The following CDH18 variants were observed in gnomAD, a reference collection of about 807,000 sequenced individuals.
CDH18 encodes cadherin 18, also known as cadherin-18.
A neutral mutation model predicts 67.9 loss-of-function variants in CDH18; 31 were observed. The ratio of observed to expected loss-of-function variants is 0.46; its 90% CI spans 0.34 to 0.62. The LOEUF is 0.62. Ranked by LOEUF, CDH18 falls within the 20% of genes least tolerant of loss-of-function variation. CDH18 has a pLI of 0.01. For synonymous variants in CDH18, 362 were observed against 347.2 expected (o/e 1.04, Z -0.48); for missense variants, 890 against 975.5 (o/e 0.91, Z 1.17).
chr5:20,120,078 G>C (rs1748231527), intron 2 of CDH18, among the ~76,000 whole-genome samples: 1 of 152,088 alleles, frequency 6.6e-6, no homozygotes, highest in Non-Finnish European at 1.5e-5. Context: ...AGGTAGCAAA[G>C]ACTTCCTACT....
chr5:20,313,854 T>A (rs1032406000), intron 1 of CDH18, among the ~76,000 whole-genome samples: 5 of 152,056 alleles, frequency 3.3e-5, no homozygotes, highest in Non-Finnish European at 7.4e-5. Context: ...CACCTACATG[T>A]AATTATCTTT....
rs529243695 is a variant in CDH18, at chr5:20,194,452, C to T, written c.-518+60992G>A. The stretch of plus-strand genomic sequence containing the variant: ...TAAATCTACAAAAAAGACCTCACAA[C>T]ATTCATGTTTATATATGCTAATCAG... On this transcript the variant is annotated intron_variant, in intron 2 of 14. Coordinates refer to the CDH18 transcript ENST00000507958. Among the ~76,000 whole-genome samples the T allele has an allele frequency of 2.0e-5, 3 of 152,128 alleles. No homozygotes were observed. The Middle Eastern group carries it at 0.01, about 517-fold the overall frequency.
intron 2 of CDH18, among the ~76,000 whole-genome samples, chr5:20,250,913 T>C (rs1054443316): frequency 5.3e-5 from 8 of 152,054 alleles, no homozygotes; most frequent in African/African-American, 1.9e-4. Context: ...GCCAGACAAA[T>C]GCATTTAGAT....
intron 10 of CDH18, among the ~76,000 whole-genome samples, chr5:19,514,976 T>G (rs1258463609): frequency 3.9e-5 from 6 of 152,216 alleles, no homozygotes; most frequent in African/African-American, 1.4e-4. Context: ...TTTTATGGTT[T>G]TAGGTCTAAC....
chr5:19,958,815 T>C (rs991639460), intron 2 of CDH18, among the ~76,000 whole-genome samples: 3 of 152,070 alleles, frequency 2.0e-5, no homozygotes, highest in Admixed American at 6.6e-5. Flanking sequence ...CATCGCATTT[T>C]ATGGTTCTAT....
chr5:20,362,722 T>G (rs554856244), intron 1 of CDH18, among the ~76,000 whole-genome samples: 2 of 152,298 alleles, frequency 1.3e-5, no homozygotes, highest in South Asian at 4.1e-4. Flanking sequence ...TAAAGAATGT[T>G]TCTCCCTGCT....
chr5:20,542,112 A>C (rs1757081643), intron 1 of CDH18, among the ~76,000 whole-genome samples: 1 of 152,024 alleles, frequency 6.6e-6, no homozygotes, highest in Non-Finnish European at 1.5e-5. Flanking sequence ...CGCCTAGCTA[A>C]TTTTTGTATT....
In CDH18 at chr5:19,520,698, C is replaced by A; in HGVS notation, c.1471G>T (p.Glu491Ter). ...VNDNPPELAR[E>*]YDIIVCENSK... Reference sequence around the variant, plus strand: ...TTTTCACATACAATAATATCATATTCCCTGGCAAGTTCGGGTGGATTGTCA... The same window carrying A: ...TTTTCACATACAATAATATCATATTACCTGGCAAGTTCGGGTGGATTGTCA... The change falls in exon 10 of 13, where the codon GAA (glutamate) becomes TAA (stop). Residue 491 changes from glutamate (E) to a stop codon, truncating the protein, a stop_gained. Transcript: ENST00000382275. LOFTEE classifies it high-confidence loss of function. The A allele has an allele frequency of 1.2e-6, 2 of 1,613,278 alleles. No homozygotes were observed. The highest frequency in any genetic ancestry group is 1.1e-5 in the South Asian group (1 of 90,992).
chr5:19,774,802 C>A (rs1215690942), intron 3 of CDH18, among the ~76,000 whole-genome samples: 2 of 57,534 alleles, frequency 3.5e-5, no homozygotes, highest in Non-Finnish European at 6.8e-5. Context: ...GAGCAAGACT[C>A]TGTCTCAAAA....
intron 1 of CDH18, among the ~76,000 whole-genome samples, chr5:20,510,152 AT>A (rs561227173): frequency 6.8e-4 from 104 of 151,946 alleles, no homozygotes; most frequent in African/African-American, 2.4e-3. Flanking sequence ...TGATGTTGAA[AT>A]TTTTTTTCAT....
intron 8 of CDH18, among the ~76,000 whole-genome samples, chr5:19,548,678 GA>G: frequency 6.6e-6 from 1 of 151,418 alleles, no homozygotes; most frequent in African/African-American, 2.4e-5. Flanking sequence ...GAGTAATAGA[GA>G]ATTTGTCCAA....
At chr5:19,966,854 A>G (rs957094008) in intron 2 of CDH18, among the ~76,000 whole-genome samples, 1 of 152,076 alleles carries the variant, frequency 6.6e-6, no homozygotes. Flanking sequence ...TTGAGAGTTT[A>G]TTTTAAAATA....
chr5:20,279,730 C>CAAAAAAAAAAAAAAAAAAAAAA (rs1309866477), intron 1 of CDH18, among the ~76,000 whole-genome samples: 5 of 66,696 alleles, frequency 7.5e-5, no homozygotes, highest in Admixed American at 1.7e-4. Context: ...AAAAAAAAAG[C>CAAAAAAAAAAAAAAAAAAAAAA]AAAAACTGTA....
At chr5:19,811,337 T>C (rs948831371) in intron 3 of CDH18, among the ~76,000 whole-genome samples, 1 of 152,094 alleles carries the variant, frequency 6.6e-6, no homozygotes, top group African/African-American at 2.4e-5. Flanking sequence ...GTAGGGTCAT[T>C]AAGGCAGTCA....
intron 2 of CDH18, among the ~76,000 whole-genome samples, chr5:20,179,029 T>C (rs942785138): frequency 2.6e-5 from 4 of 152,082 alleles, no homozygotes; most frequent in African/African-American, 7.2e-5. Flanking sequence ...TAGTCTAAAC[T>C]TAAATAAACT....
chr5:20,332,354 T>G (rs2150027478), intron 1 of CDH18, among the ~76,000 whole-genome samples: 1 of 152,338 alleles, frequency 6.6e-6, no homozygotes, highest in South Asian at 2.1e-4. Context: ...TTAAGTGAGA[T>G]TATTGATTTT....
chr5:20,338,299 C>A (rs115380042), intron 1 of CDH18, among the ~76,000 whole-genome samples: 3 of 152,194 alleles, frequency 2.0e-5, no homozygotes, highest in Admixed American at 2.0e-4. Context: ...GCCTATCAAG[C>A]CCCAAACCTC....
intron 2 of CDH18, among the ~76,000 whole-genome samples, chr5:19,994,830 A>G (rs577600676): frequency 0.043 from 368 of 8,522 alleles, 26 homozygotes; most frequent in African/African-American, 0.12. Context: ...TATAAAGAGA[A>G]TATATATATA....
chr5:19,992,809 G>T (rs996844635), upstream of CDH18, among the ~76,000 whole-genome samples: 1 of 151,818 alleles, frequency 6.6e-6, no homozygotes, highest in Non-Finnish European at 1.5e-5. Context: ...TCATGATTTC[G>T]TTATAGCCCA....
Sources: allele counts gnomAD v4.1 joint callset (sites outside exome capture counted in the v4.1 genomes callset), GRCh38; gene constraint gnomAD v4.1.1; transcripts MANE v1.5; gene names NCBI Gene and HGNC (gene_info 2026-07-23, HGNC 2026-07-21).